CEP20: variants seen among roughly 807,000 people sequenced by gnomAD.
CEP20 encodes the protein FGFR1OP N-terminal like.
A neutral mutation model predicts 20.0 loss-of-function variants in CEP20; 18 were observed. The ratio of observed to expected loss-of-function variants is 0.90; its 90% CI spans 0.62 to 1.34. CEP20 has a LOEUF of 1.34. Among genes scored for constraint, CEP20 ranks in the 40% most tolerant of loss-of-function variants. CEP20 has a pLI of 0.00. For synonymous variants in CEP20, 77 were observed against 73.7 expected (o/e 1.04, Z -0.23); for missense variants, 215 against 201.6 (o/e 1.07, Z -0.40).
chr16:15,883,363 TGGAAAAA>T (rs1161166910), intron 2 of CEP20, among the ~76,000 whole-genome samples: 2 of 151,874 alleles, frequency 1.3e-5, no homozygotes, highest in Non-Finnish European at 1.5e-5. Flanking sequence ...ATTCTGTCTC[TGGAAAAA>T]GAAAAAAGAG....
Position 15,879,874 on chromosome 16 carries a change from C to G in CEP20, c.241G>C (p.Val81Leu), listed in dbSNP as rs143318149. The G allele has an allele frequency of 1.3e-6, 2 of 1,581,630 alleles. No individual in the cohort carries two copies. The highest frequency in any genetic ancestry group is 1.7e-6 in the Non-Finnish European group (2 of 1,170,628). ...AGAAACTGTCTGTCCAACGGAACTA[C>G]AGGTTGACCAGATTCTGGGAGAAAT... ...SVLIAESGQP[V>L]VPLDRQFLIH... The change falls in exon 3 of 5, where the codon GTA (valine) becomes CTA (leucine). Residue 81 changes from valine to leucine, a missense_variant. Physicochemically the swap from Val to Leu is conservative, Grantham distance 32. Coordinates refer to ENST00000255759, the MANE Select transcript of CEP20 (RefSeq NM_144600.4).
chr16:15,869,756 C>T (rs187854035), intron 4 of CEP20, among the ~76,000 whole-genome samples: 10 of 152,036 alleles, frequency 6.6e-5, no homozygotes, highest in Admixed American at 1.3e-4. Context: ...ATAAGAGTTA[C>T]GGAGACAGTA....
chr16:15,887,054 C>T (rs2045263223), intron 1 of CEP20, among the ~76,000 whole-genome samples: 2 of 151,756 alleles, frequency 1.3e-5, no homozygotes, highest in South Asian at 4.2e-4. Flanking sequence ...GGCCACTATG[C>T]CCGGCTCTTT....
At chr16:15,883,569 T>C (rs538631354) in intron 2 of CEP20, among the ~76,000 whole-genome samples, 1 of 152,122 alleles carries the variant, frequency 6.6e-6, no homozygotes, top group African/African-American at 2.4e-5. Flanking sequence ...GGTCTCCCTG[T>C]GTTGCCCAGG....
chr16:15,867,201 C>A lies in CEP20; in HGVS notation c.*239G>T. ...CCAGTCTGGGTGACAGAGCGAGACTCCATCTCAAAAAAACAAAAAATACTT... is the reference window on the plus strand; with the variant it reads ...CCAGTCTGGGTGACAGAGCGAGACTACATCTCAAAAAAACAAAAAATACTT... On this transcript the variant is annotated 3_prime_UTR_variant, in exon 5 of 5. Transcript: ENST00000255759. 1 of 335,448 alleles carries A rather than the reference C, an allele frequency of 3.0e-6. No homozygotes were observed. Among genetic ancestry groups the A allele is most frequent in the Admixed American group, 4.4e-5 (1 of 22,724 alleles). 20.8% of individuals were successfully genotyped at this position (335,448 alleles called of 1,614,324 possible).
At chr16:15,887,831 C>T (rs927907879) in intron 1 of CEP20, among the ~76,000 whole-genome samples, 1 of 152,066 alleles carries the variant, frequency 6.6e-6, no homozygotes, top group East Asian at 1.9e-4. Context: ...CAGGCGCTCA[C>T]ACCTGTAATC....
rs376409706 is a variant in CEP20, at chr16:15,867,537, T to C, written c.449-21A>G. 3.9e-6 allele frequency: 6 copies of C among 1,547,392 alleles called. No homozygotes were observed. In the South Asian group the frequency reaches 4.7e-5, roughly 12 times the overall value. The stretch of plus-strand genomic sequence containing the variant: ...GTCATCTGAAATGCACAGAAACCAA[T>C]GTTAATACTTATCCCAAGTCAAAAC... On this transcript the variant is annotated intron_variant, in intron 4 of 4. Transcript: ENST00000255759.
At chr16:15,883,495 A>C (rs1331447585) in intron 2 of CEP20, among the ~76,000 whole-genome samples, 3 of 151,940 alleles carry the variant, frequency 2.0e-5, no homozygotes, top group Non-Finnish European at 4.4e-5. Context: ...GCTCAGCCTC[A>C]GCTAGGACAA....
At chr16:15,868,976 G>A (rs2044748799) in intron 4 of CEP20, among the ~76,000 whole-genome samples, 1 of 151,858 alleles carries the variant, frequency 6.6e-6, no homozygotes, top group South Asian at 2.1e-4. Flanking sequence ...GCTGAGGTGG[G>A]AGGATCACCT....
chr16:15,882,731 ATATC>A (rs68035220), intron 2 of CEP20, among the ~76,000 whole-genome samples: 66,659 of 145,368 alleles, frequency 0.46, 16,145 homozygotes, highest in Non-Finnish European at 0.54. Flanking sequence ...TATCTCCATT[ATATC>A]TATCTATCTA....
chr16:15,876,206 G>A (rs868591159), intron 3 of CEP20, among the ~76,000 whole-genome samples: 28 of 149,620 alleles, frequency 1.9e-4, no homozygotes, highest in Middle Eastern at 3.5e-3. Context: ...GTCTTGGGCC[G>A]ATGGCTCACA....
intron 1 of CEP20, 65 bp downstream of exon 1, chr16:15,888,493 C>T: frequency 1.2e-6 from 2 of 1,609,454 alleles, no homozygotes; most frequent in Non-Finnish European, 1.7e-6. Flanking sequence ...CTCCTCCCAT[C>T]CCATCCTTTC....
chr16:15,875,706 G>C (rs779746374), intron 3 of CEP20, among the ~76,000 whole-genome samples: 1 of 152,162 alleles, frequency 6.6e-6, no homozygotes, highest in Non-Finnish European at 1.5e-5. Flanking sequence ...CTGAAAACTG[G>C]ATTCTCTTCA....
At chr16:15,877,384 T>C (rs2044980348) in intron 3 of CEP20, 1 of 152,280 alleles carries the variant, frequency 6.6e-6, no homozygotes, top group South Asian at 2.1e-4. Context: ...TATTAAATGA[T>C]GTAATAACTC....
chr16:15,881,033 C>G (rs1055231966), intron 2 of CEP20, among the ~76,000 whole-genome samples: 3 of 151,956 alleles, frequency 2.0e-5, no homozygotes, highest in Non-Finnish European at 4.4e-5. Flanking sequence ...AAATAAAATG[C>G]ACAATAAATG....
At position 15,884,098 on chromosome 16, in the gene CEP20, AT is replaced by A. The variant is rs771691514; in HGVS notation, c.135del (p.Leu46CysfsTer7). The A allele has an allele frequency of 6.2e-7, 1 of 1,614,138 alleles. No individual in the cohort carries two copies. Among genetic ancestry groups the A allele is most frequent in the Non-Finnish European group, 8.5e-7 (1 of 1,179,964 alleles). On this transcript the variant is annotated frameshift_variant, in exon 2 of 5. Coordinates refer to ENST00000255759, the MANE Select transcript of CEP20 (RefSeq NM_144600.4). LOFTEE classifies it high-confidence loss of function. ...TTAATTAGAAGGTTTTCATGAGACA[AT>A]GATGGTCGGGGTTCACGGTCATCAT... ...ALDDDREPRP[S>X]LSHENLLINE...
chr16:15,884,153 C>T lies in CEP20; in HGVS notation c.81G>A (p.Arg27=). The part of the protein sequence containing the change: ...KKGVLGHLKA[R]IRAEVFNALD... ...GGGCATTGAAAACTTCAGCTCGGAT[C>T]CTTGCTTTTAAATGCCCTAATACCC... Residue 27 remains arginine, a synonymous_variant, in exon 2 of 5, where the codon AGG becomes AGA. Coordinates refer to ENST00000255759, the MANE Select transcript of CEP20 (RefSeq NM_144600.4). The T allele has an allele frequency of 6.2e-7, 1 of 1,613,984 alleles. No homozygotes were observed. The highest frequency in any genetic ancestry group is 8.5e-7 in the Non-Finnish European group (1 of 1,179,930).
intron 4 of CEP20, among the ~76,000 whole-genome samples, chr16:15,868,735 CT>C (rs2044743862): frequency 6.6e-6 from 1 of 152,116 alleles, no homozygotes; most frequent in Non-Finnish European, 1.5e-5. Flanking sequence ...ATCTCTCTCC[CT>C]TTATTTTAGG....
chr16:15,884,083 G>A lies in CEP20; in HGVS notation c.151C>T (p.Leu51Phe). The change falls in exon 2 of 5, where the codon CTT (leucine) becomes TTT (phenylalanine). Residue 51 changes from leucine (L) to phenylalanine (F), a missense_variant. Physicochemically the swap from Leu to Phe is conservative, Grantham distance 22 (BLOSUM62 0). Coordinates refer to ENST00000255759, the MANE Select transcript of CEP20 (RefSeq NM_144600.4). ...TCTCGAATTAATTCATTAATTAGAA[G>A]GTTTTCATGAGACAATGATGGTCGG... ...EPRPSLSHEN[L>F]LINELIREYL... 1.2e-6 allele frequency: 2 copies of A among 1,613,968 alleles called. No individual in the cohort carries two copies. The highest frequency in any genetic ancestry group is 1.7e-6 in the Non-Finnish European group (2 of 1,179,872).
Sources: allele counts gnomAD v4.1 joint callset (sites outside exome capture counted in the v4.1 genomes callset), GRCh38; gene constraint gnomAD v4.1.1; transcripts MANE v1.5; gene names NCBI Gene and HGNC (gene_info 2026-07-23, HGNC 2026-07-21).